BRAF: variants seen among roughly 807,000 people sequenced by gnomAD.
The protein encoded by BRAF is serine/threonine-protein kinase B-raf.
Under a neutral mutation model 104.6 loss-of-function variants are expected in BRAF, and 16 were observed. That is an observed-to-expected ratio of 0.15 (90% confidence interval 0.10 to 0.23). BRAF has a LOEUF of 0.23. Ranked by LOEUF, BRAF falls within the 10% of genes least tolerant of loss-of-function variation. BRAF has a pLI of 1.00. For missense variants in BRAF, 541 were observed against 937.3 expected (o/e 0.58, Z 5.52); for synonymous variants, 310 against 341.6 (o/e 0.91, Z 1.02).
At chr7:140,771,278 C>T (rs1799821266) in intron 14 of BRAF, among the ~76,000 whole-genome samples, 1 of 152,160 alleles carries the variant, frequency 6.6e-6, no homozygotes, top group Admixed American at 6.5e-5. Context: ...TCACTGCAGC[C>T]TCGACTTCCT....
At position 140,874,559 on chromosome 7, in the gene BRAF, A is replaced by T. The variant is rs1172321015; in HGVS notation, c.139-24347T>A. Among the ~76,000 whole-genome samples the T allele has an allele frequency of 2.6e-5, 4 of 151,306 alleles. No homozygotes were observed. In the East Asian group the frequency reaches 7.7e-4, roughly 29 times the overall value. On this transcript the variant is annotated intron_variant, in intron 1 of 19. Transcript: ENST00000644969. ...AAAAAAAAAAAAAAAAAAGGCAAAG[A>T]AATAACATTCAAAGATAGTGTCTCA... is the stretch of plus-strand genomic sequence containing the variant.
intron 1 of BRAF, among the ~76,000 whole-genome samples, chr7:140,877,280 T>C (rs1654222332): frequency 8.9e-6 from 1 of 112,286 alleles, no homozygotes; most frequent in Admixed American, 1.1e-4. Flanking sequence ...TTTTTTTTAG[T>C]TTTTTTAAGA....
At chr7:140,877,818 A>T (rs1425866254) in intron 1 of BRAF, among the ~76,000 whole-genome samples, 2 of 152,158 alleles carry the variant, frequency 1.3e-5, no homozygotes, top group African/African-American at 4.8e-5. Context: ...ATATCTGAAG[A>T]TATCTTTTAT....
intron 7 of BRAF, chr7:140,799,763 T>TCC (rs1802891575): frequency 4.2e-6 from 1 of 236,838 alleles, no homozygotes; most frequent in Non-Finnish European, 8.3e-6. Flanking sequence ...TTCAATATAC[T>TCC]CCATCATAAA....
At chr7:140,716,626 C>T (rs1795135047), downstream of BRAF, among the ~76,000 whole-genome samples, 1 of 152,180 alleles carries the variant, frequency 6.6e-6, no homozygotes, top group South Asian at 2.1e-4. Flanking sequence ...TGATGAGCAG[C>T]TACAAGTACA....
At chr7:140,785,604 C>A in intron 10 of BRAF, 3 of 396,632 alleles carry the variant, frequency 7.6e-6, no homozygotes, top group Non-Finnish European at 1.3e-5. Flanking sequence ...TACAAACACA[C>A]GCTGTGAGGG....
chr7:140,763,694 TAGA>T (rs919006408), intron 14 of BRAF, among the ~76,000 whole-genome samples: 6 of 152,172 alleles, frequency 3.9e-5, no homozygotes, highest in African/African-American at 1.4e-4. Context: ...CTAGAAAATC[TAGA>T]AGAAATGGAT....
At chr7:140,897,493 C>CTTTTTTTTTT (rs1177553423) in intron 1 of BRAF, among the ~76,000 whole-genome samples, 3 of 105,726 alleles carry the variant, frequency 2.8e-5, no homozygotes, top group East Asian at 2.5e-4. Context: ...TTTCTTTTTT[C>CTTTTTTTTTT]TTTTTTTTTT....
chr7:140,786,993 A>G (rs941299303), intron 9 of BRAF, among the ~76,000 whole-genome samples: 1 of 152,180 alleles, frequency 6.6e-6, no homozygotes, highest in African/African-American at 2.4e-5. Flanking sequence ...TTAAAACTGT[A>G]GATAATACAT....
chr7:140,782,105 T>C (rs1012856978), intron 11 of BRAF, among the ~76,000 whole-genome samples: 2 of 152,136 alleles, frequency 1.3e-5, no homozygotes, highest in African/African-American at 4.8e-5. Context: ...TTCCCTGCCC[T>C]GTGTCCAAGT....
chr7:140,918,296 A>G (rs946000978), intron 1 of BRAF, among the ~76,000 whole-genome samples: 1 of 152,210 alleles, frequency 6.6e-6, no homozygotes, highest in Non-Finnish European at 1.5e-5. Context: ...AGGGGGTTTC[A>G]GGATGAAATT....
At chr7:140,917,540 T>C (rs556051796) in intron 1 of BRAF, among the ~76,000 whole-genome samples, 1 of 152,262 alleles carries the variant, frequency 6.6e-6, no homozygotes, top group East Asian at 1.9e-4. Flanking sequence ...GGCTGGAAGA[T>C]TGCTTGAGCC....
intron 8 of BRAF, among the ~76,000 whole-genome samples, chr7:140,793,247 G>A (rs1241715061): frequency 1.3e-5 from 2 of 152,190 alleles, no homozygotes; most frequent in Admixed American, 6.5e-5. Context: ...GATGAAGGTT[G>A]CAATTTTGGA....
intron 3 of BRAF, among the ~76,000 whole-genome samples, chr7:140,833,130 C>T (rs1806963862): frequency 6.6e-6 from 1 of 152,020 alleles, no homozygotes; most frequent in Non-Finnish European, 1.5e-5. Context: ...GTGATCTGCC[C>T]GCCTCAGCCT....
At chr7:140,749,033 C>A in intron 17 of BRAF, 1 of 443,108 alleles carries the variant, frequency 2.3e-6, no homozygotes, top group Non-Finnish European at 4.1e-6. Context: ...AAGAAATATC[C>A]ATTCTTGTAA....
At chr7:140,714,723 T>TAA (rs1002293821), downstream of BRAF, among the ~76,000 whole-genome samples, 1 of 152,182 alleles carries the variant, frequency 6.6e-6, no homozygotes, top group African/African-American at 2.4e-5. Context: ...CTAAAGAAGA[T>TAA]AAGGTTCTGT....
intron 3 of BRAF, among the ~76,000 whole-genome samples, chr7:140,820,978 T>C (rs1805413438): frequency 6.6e-6 from 1 of 152,210 alleles, no homozygotes; most frequent in Non-Finnish European, 1.5e-5. Context: ...TTATTCTTTT[T>C]AGTTATTGCA....
intron 14 of BRAF, among the ~76,000 whole-genome samples, chr7:140,763,719 C>A (rs1799023570): frequency 6.6e-6 from 1 of 152,208 alleles, no homozygotes; most frequent in South Asian, 2.1e-4. Context: ...AATTCCTCGA[C>A]ACATACACTC....
chr7:140,802,646 T>C (rs1803251356), intron 5 of BRAF, among the ~76,000 whole-genome samples: 1 of 152,058 alleles, frequency 6.6e-6, no homozygotes, highest in Non-Finnish European at 1.5e-5. Context: ...AAAGAAAAAT[T>C]AAAAATTTTT....
Sources: gnomAD v4.1 joint callset for allele counts (sites outside exome capture counted in the v4.1 genomes callset) on GRCh38, gnomAD v4.1.1 for gene constraint, MANE v1.5 for transcripts, NCBI Gene and HGNC (gene_info 2026-07-23, HGNC 2026-07-21) for gene names.